NEGR1: variants seen among roughly 807,000 people sequenced by gnomAD.
NEGR1 encodes the protein IgLON family member 4.
NEGR1 carries 10 observed loss-of-function variants against 40.9 expected under a neutral mutation model. That is an observed-to-expected ratio of 0.24 (90% confidence interval 0.15 to 0.42). The LOEUF is 0.42. Ranked by LOEUF, NEGR1 falls within the 10% of genes least tolerant of loss-of-function variation. The pLI is 1.00. For synonymous variants in NEGR1, 185 were observed against 166.8 expected (o/e 1.11, Z -0.84); for missense variants, 352 against 438.9 (o/e 0.80, Z 1.77).
At chr1:71,844,260 A>G (rs1451962634) in intron 2 of NEGR1, among the ~76,000 whole-genome samples, 1 of 152,200 alleles carries the variant, frequency 6.6e-6, no homozygotes, top group Non-Finnish European at 1.5e-5. Context: ...GGAAAAGAGC[A>G]GAATGCAAGA....
At chr1:71,534,842 C>T (rs545690199) in intron 6 of NEGR1, among the ~76,000 whole-genome samples, 26 of 151,584 alleles carry the variant, frequency 1.7e-4, no homozygotes, top group African/African-American at 6.3e-4. Context: ...TGTCAGGTTT[C>T]AAAATGTGAG....
chr1:71,667,083 AG>A (rs1652269154), intron 4 of NEGR1, among the ~76,000 whole-genome samples: 1 of 152,214 alleles, frequency 6.6e-6, no homozygotes, highest in Non-Finnish European at 1.5e-5. Context: ...AAATGTGAGC[AG>A]GGCTGTACAG....
intron 2 of NEGR1, among the ~76,000 whole-genome samples, chr1:71,798,674 A>C (rs534966056): frequency 6.6e-6 from 1 of 152,180 alleles, no homozygotes; most frequent in Non-Finnish European, 1.5e-5. Context: ...AACTGAGCTG[A>C]TCTGAGTCTG....
intron 2 of NEGR1, among the ~76,000 whole-genome samples, chr1:71,781,546 A>G (rs1200309749): frequency 6.6e-6 from 1 of 152,228 alleles, no homozygotes; most frequent in African/African-American, 2.4e-5. Context: ...GGCTGTCTTT[A>G]GGATGCCAGG....
intron 1 of NEGR1, among the ~76,000 whole-genome samples, chr1:72,181,251 C>T (rs552810237): frequency 7.9e-5 from 12 of 152,278 alleles, no homozygotes; most frequent in African/African-American, 2.9e-4. Flanking sequence ...TTCAACTGTA[C>T]TTCAGATAAT....
chr1:71,845,659 G>A (rs1054932602), intron 2 of NEGR1, among the ~76,000 whole-genome samples: 3 of 152,108 alleles, frequency 2.0e-5, no homozygotes, highest in African/African-American at 7.2e-5. Flanking sequence ...TGAGAAAACT[G>A]AGGTAGAAAG....
intron 3 of NEGR1, among the ~76,000 whole-genome samples, chr1:71,722,778 T>A (rs1382219684): frequency 6.6e-6 from 1 of 152,142 alleles, no homozygotes; most frequent in Non-Finnish European, 1.5e-5. Context: ...AGCTGCACAC[T>A]CTTAAATGCA....
At chr1:72,032,182 G>C (rs1646864061) in intron 1 of NEGR1, among the ~76,000 whole-genome samples, 1 of 152,172 alleles carries the variant, frequency 6.6e-6, no homozygotes, top group Non-Finnish European at 1.5e-5. Flanking sequence ...AGCATTGTAA[G>C]GTAGCTGGGT....
intron 2 of NEGR1, among the ~76,000 whole-genome samples, chr1:71,899,395 C>G (rs1475369310): frequency 6.6e-6 from 1 of 151,874 alleles, no homozygotes; most frequent in East Asian, 1.9e-4. Flanking sequence ...TAGGAAGGCA[C>G]TAGACCAGAT....
intron 6 of NEGR1, among the ~76,000 whole-genome samples, chr1:71,438,107 C>G (rs188444020): frequency 6.6e-6 from 1 of 152,292 alleles, no homozygotes; most frequent in African/African-American, 2.4e-5. Context: ...AGAGTTTCAA[C>G]AGTAACAGAT....
At chr1:71,863,895 A>C (rs1057183590) in intron 2 of NEGR1, among the ~76,000 whole-genome samples, 1 of 152,248 alleles carries the variant, frequency 6.6e-6, no homozygotes, top group Non-Finnish European at 1.5e-5. Context: ...ACTAGGTGTT[A>C]ATTAGTTTAT....
At chr1:71,948,604 A>G (rs1166439839) in intron 1 of NEGR1, among the ~76,000 whole-genome samples, 1 of 152,058 alleles carries the variant, frequency 6.6e-6, no homozygotes, top group Non-Finnish European at 1.5e-5. Flanking sequence ...ACACACTTTG[A>G]ATATGAAACC....
intron 6 of NEGR1, among the ~76,000 whole-genome samples, chr1:71,429,124 T>A (rs1354729): frequency 0.96 from 145,678 of 152,170 alleles, 70,051 homozygotes; most frequent in East Asian, 1. Context: ...GAGTTTTTTT[T>A]AATTTTTTTT....
intron 1 of NEGR1, among the ~76,000 whole-genome samples, chr1:72,264,663 A>C (rs941092318): frequency 6.6e-6 from 1 of 150,792 alleles, no homozygotes; most frequent in Non-Finnish European, 1.5e-5. Flanking sequence ...TTAGAGTAGT[A>C]TTTTAGTTCT....
At chr1:72,174,311 C>T (rs1652082195) in intron 1 of NEGR1, among the ~76,000 whole-genome samples, 1 of 152,128 alleles carries the variant, frequency 6.6e-6, no homozygotes, top group South Asian at 2.1e-4. Flanking sequence ...GCATTTGCTA[C>T]AATGAATGAA....
At chr1:71,902,265 G>A (rs1360636568) in intron 2 of NEGR1, among the ~76,000 whole-genome samples, 1 of 152,162 alleles carries the variant, frequency 6.6e-6, no homozygotes, top group East Asian at 1.9e-4. Flanking sequence ...AGCGCAGTAT[G>A]TGGTTAGTGT....
In NEGR1 at chr1:71,739,217, A is replaced by C. The variant is rs1213483365; in HGVS notation, c.535+36955T>G. 9.4e-3 allele frequency among the ~76,000 whole-genome samples: 1,322 copies of C among 140,974 alleles called. 5 individuals are homozygous for C. Among genetic ancestry groups the C allele is most frequent in the East Asian group, 0.018 (90 of 4,954 alleles). The allele number at this position is 140,974 out of a possible 152,430, so 92.5% of individuals were successfully genotyped here. A position where few individuals can be genotyped will look rare whatever the true frequency, so the allele number is the denominator to read the frequency against. ...GCAGGCAGAAAAAAAAAAAAAAAAAACAAAAAAAAAAAACGTGAAAAGACT... is the reference window on the plus strand; with the variant it reads ...GCAGGCAGAAAAAAAAAAAAAAAAACCAAAAAAAAAAAACGTGAAAAGACT... On this transcript the variant is annotated intron_variant, in intron 3 of 6. Transcript: ENST00000357731.
intron 5 of NEGR1, among the ~76,000 whole-genome samples, chr1:71,596,174 C>T (rs562956421): frequency 1.1e-4 from 16 of 152,008 alleles, no homozygotes; most frequent in Non-Finnish European, 2.2e-4. Context: ...TTCTTCATTG[C>T]GTTTTTATCA....
chr1:72,241,258 T>C (rs1015504872), intron 1 of NEGR1, among the ~76,000 whole-genome samples: 3 of 151,770 alleles, frequency 2.0e-5, no homozygotes, highest in African/African-American at 7.2e-5. Flanking sequence ...CTTATTTGTT[T>C]TGAGAGACAA....
Sources: gnomAD v4.1 joint callset for allele counts (sites outside exome capture counted in the v4.1 genomes callset) on GRCh38, gnomAD v4.1.1 for gene constraint, MANE v1.5 for transcripts, NCBI Gene and HGNC (gene_info 2026-07-23, HGNC 2026-07-21) for gene names.